Variants in TMEM184C observed in about 807,000 individuals in gnomAD.
The protein encoded by TMEM184C is transmembrane protein 184C.
TMEM184C carries 25 observed loss-of-function variants against 54.5 expected under a neutral mutation model. That is an observed-to-expected ratio of 0.46 (90% CI 0.33 to 0.64). The LOEUF (loss-of-function observed/expected upper bound fraction) is 0.64. TMEM184C is among the 30% of genes least tolerant of loss of function. The pLI is 0.02. For missense variants in TMEM184C, 335 were observed against 520.3 expected (o/e 0.64, Z 3.46); for synonymous variants, 148 against 181.5 (o/e 0.82, Z 1.49).
At position 147,634,496 on chromosome 4, in the gene TMEM184C, T is replaced by C; in HGVS notation, c.*62T>C. On this transcript the variant is annotated 3_prime_UTR_variant, in exon 10 of 10. Coordinates refer to ENST00000296582, the MANE Select transcript of TMEM184C (RefSeq NM_018241.3). ...ATATCATTACCTGGTATCCCATGGA[T>C]TTTGTGCTTGGGACAGACCATAAAT... The C allele has an allele frequency of 6.4e-7, 1 of 1,558,786 alleles. No homozygotes were observed. The highest frequency in any genetic ancestry group is 8.7e-7 in the Non-Finnish European group (1 of 1,149,348).
At position 147,628,540 on chromosome 4, in the gene TMEM184C, G is replaced by A. The variant is rs574291488; in HGVS notation, c.572+105G>A. On this transcript the variant is annotated intron_variant, in intron 5 of 9. Coordinates refer to ENST00000296582, the MANE Select transcript of TMEM184C (RefSeq NM_018241.3). ...GTTAATGTGCTTATTTATAATGCAGGTCTAGTCTGTTGTAAAAAAAAACAC... is the reference window on the plus strand; with the variant it reads ...GTTAATGTGCTTATTTATAATGCAGATCTAGTCTGTTGTAAAAAAAAACAC... The A allele has an allele frequency of 1.1e-5, 10 of 877,364 alleles. No individual in the cohort carries two copies. The East Asian group carries it at 2.5e-4, about 22-fold the overall frequency. 54.3% of individuals were successfully genotyped at this position (877,364 alleles called of 1,614,324 possible). A position where few individuals can be genotyped will look rare whatever the true frequency, so the allele number is the denominator to read the frequency against.
At chr4:147,626,908 A>G (rs1380253625) in intron 4 of TMEM184C, among the ~76,000 whole-genome samples, 1 of 152,234 alleles carries the variant, frequency 6.6e-6, no homozygotes, top group Non-Finnish European at 1.5e-5. Context: ...ACAAGGACAA[A>G]TGGGCATTTA....
rs1002913003 is a variant in TMEM184C at position 147,635,400 on chromosome 4, A to T, written c.*966A>T. ...CTTGGCTGAATGGTCTTAATTACTC[A>T]TTAAACCACAGTCAGAAAGACATAT... On this transcript the variant is annotated 3_prime_UTR_variant, in exon 10 of 10. Coordinates refer to ENST00000296582, the MANE Select transcript of TMEM184C (RefSeq NM_018241.3). 4 of 152,212 alleles carry T rather than the reference A, an allele frequency of 2.6e-5. No individual in the cohort carries two copies. Among genetic ancestry groups the T allele is most frequent in the African/African-American group, 9.6e-5 (4 of 41,466 alleles). The allele number at this position is 152,212 out of a possible 1,614,324, so 9.4% of individuals were successfully genotyped here. A position where few individuals can be genotyped will look rare whatever the true frequency, so the allele number is the denominator to read the frequency against.
intron 3 of TMEM184C, 132 bp downstream of exon 3, chr4:147,624,230 T>A: frequency 1.5e-6 from 1 of 680,820 alleles, no homozygotes; most frequent in Non-Finnish European, 2.4e-6. Flanking sequence ...TTCACTTGTT[T>A]CTAATGATAG....
At chr4:147,631,281 T>C in intron 6 of TMEM184C, 112 bp from the exon 7 acceptor site, 1 of 696,974 alleles carries the variant, frequency 1.4e-6, no homozygotes, top group Non-Finnish European at 2.3e-6. Flanking sequence ...TAATAAAGCC[T>C]AGAAAAGTTT....
Position 147,635,350 on chromosome 4 carries a change from A to C in TMEM184C, c.*916A>C, listed in dbSNP as rs1488605595. The C allele has an allele frequency of 6.6e-6, 1 of 152,208 alleles. No individual in the cohort carries two copies. The highest frequency in any genetic ancestry group is 1.5e-5 in the Non-Finnish European group (1 of 68,024). 9.4% of individuals were successfully genotyped at this position (152,208 alleles called of 1,614,324 possible). The stretch of plus-strand genomic sequence containing the variant: ...AAAAGTTCTACTTTTCATCAGTGCT[A>C]TTAAAGGTGGCAGCAAATGTAAATC... On this transcript the variant is annotated 3_prime_UTR_variant, in exon 10 of 10. Coordinates refer to ENST00000296582, the MANE Select transcript of TMEM184C (RefSeq NM_018241.3).
At chr4:147,633,077 G>T in intron 8 of TMEM184C, 75 bp downstream of exon 8, 1 of 1,259,526 alleles carries the variant, frequency 7.9e-7, no homozygotes, top group South Asian at 1.3e-5. Flanking sequence ...CACTAAACCT[G>T]ACAACACACA....
rs1732961887 is a variant in TMEM184C, at chr4:147,633,904, G to A, written c.1019G>A (p.Arg340Lys). Residue 340 changes from arginine (R) to lysine (K), a missense_variant, in exon 9 of 10, where the codon AGA (arginine) becomes AAA (lysine). Transcript: ENST00000296582. ...GCCATGTGGGATGTCTCAGATATTA[G>A]AGATGATATTTCTGAACAAGTAAGG... ...FLAMWDVSDI[R>K]DDISEQVRHV... 6.2e-7 allele frequency: 1 copy of A among 1,613,678 alleles called. No homozygotes were observed. Among genetic ancestry groups the A allele is most frequent in the Non-Finnish European group, 8.5e-7 (1 of 1,179,924 alleles).
At chr4:147,629,172 A>C (rs1235424513) in intron 5 of TMEM184C, among the ~76,000 whole-genome samples, 1 of 152,074 alleles carries the variant, frequency 6.6e-6, no homozygotes, top group Non-Finnish European at 1.5e-5. Flanking sequence ...GGGTCTTCAT[A>C]AAATTTACCT....
intron 7 of TMEM184C, among the ~76,000 whole-genome samples, chr4:147,632,158 G>A (rs1433582733): frequency 7.8e-6 from 1 of 128,334 alleles, no homozygotes; most frequent in African/African-American, 2.9e-5. Flanking sequence ...GGGCACCAGA[G>A]TGAAACTCTG....
chr4:147,627,684 G>C (rs1409933825), intron 4 of TMEM184C, among the ~76,000 whole-genome samples: 1 of 152,212 alleles, frequency 6.6e-6, no homozygotes, highest in Non-Finnish European at 1.5e-5. Context: ...AGGATCACTT[G>C]AGCCCAGGAG....
At chr4:147,622,096 G>A (rs1440061296) in intron 1 of TMEM184C, among the ~76,000 whole-genome samples, 3 of 149,216 alleles carry the variant, frequency 2.0e-5, no homozygotes, top group Non-Finnish European at 4.4e-5. Flanking sequence ...GTGATCCTCT[G>A]GCACCCGGCT....
Position 147,624,954 on chromosome 4 carries a change from G to C in TMEM184C, c.442G>C (p.Asp148His), listed in dbSNP as rs1732785787. The C allele has an allele frequency of 6.2e-7, 1 of 1,613,930 alleles. No individual in the cohort carries two copies. ...PNLVLILEAK[D>H]QQKHFPPLCC... The stretch of plus-strand genomic sequence containing the variant: ...TCTGGTATTAATCCTTGAAGCCAAA[G>C]ATCAACAGAAACATTTCCCTCCTTT... Residue 148 changes from aspartate to histidine, a missense_variant, in exon 4 of 10, where the codon GAT becomes CAT. Transcript: ENST00000296582.
intron 5 of TMEM184C, among the ~76,000 whole-genome samples, chr4:147,628,968 C>T (rs1288471225): frequency 6.6e-6 from 1 of 152,140 alleles, no homozygotes; most frequent in African/African-American, 2.4e-5. Context: ...GTTTTATCTC[C>T]TAGTTGTTAC....
chr4:147,633,657 C>A, intron 8 of TMEM184C, 108 bp from the exon 9 acceptor site: 4 of 903,754 alleles, frequency 4.4e-6, no homozygotes, highest in East Asian at 5.7e-5. Flanking sequence ...GAAGAAAAAA[C>A]ACAGCTGTTT....
intron 6 of TMEM184C, 90 bp downstream of exon 6, chr4:147,629,782 T>C (rs1202468558): frequency 5.1e-6 from 4 of 788,926 alleles, no homozygotes; most frequent in Non-Finnish European, 7.4e-6. Context: ...AGGATAAGGC[T>C]TGCTTCTTTT....
chr4:147,633,247 G>A (rs1009588881), intron 8 of TMEM184C, among the ~76,000 whole-genome samples: 1 of 151,742 alleles, frequency 6.6e-6, no homozygotes, highest in Admixed American at 6.6e-5. Context: ...TAGTCCTTGG[G>A]TGGTGGAATG....
Position 147,619,490 on chromosome 4 carries a change from C to T in TMEM184C, c.123+1411C>T, listed in dbSNP as rs1238030666. Among the ~76,000 whole-genome samples the T allele has an allele frequency of 3.9e-5, 6 of 152,232 alleles. 1 individual carries two copies. The South Asian group carries it at 8.3e-4, about 21-fold the overall frequency. On this transcript the variant is annotated intron_variant, in intron 1 of 9. Coordinates refer to ENST00000296582, the MANE Select transcript of TMEM184C (RefSeq NM_018241.3). ...GATTACAAGCATGAGCCACCGCACC[C>T]GGCCCATATAGTTATTTTTAATGGC... is the stretch of plus-strand genomic sequence containing the variant.
chr4:147,621,099 C>G (rs901596558), intron 1 of TMEM184C, among the ~76,000 whole-genome samples: 3 of 152,204 alleles, frequency 2.0e-5, no homozygotes, highest in African/African-American at 7.2e-5. Flanking sequence ...AACTATTTTT[C>G]CCACTCACTT....
Sources: allele counts gnomAD v4.1 joint callset (sites outside exome capture counted in the v4.1 genomes callset), GRCh38; gene constraint gnomAD v4.1.1; transcripts MANE v1.5; gene names NCBI Gene and HGNC (gene_info 2026-07-23, HGNC 2026-07-21).